Variants in DDAH1 observed in about 807,000 individuals in gnomAD.
DDAH1 encodes the protein N(G),N(G)-dimethylarginine dimethylaminohydrolase 1.
DDAH1 carries 19 observed loss-of-function variants against 28.8 expected under a neutral mutation model. That is an observed-to-expected ratio of 0.66 (90% CI 0.46 to 0.97). The LOEUF is 0.97. Among genes scored for constraint, DDAH1 ranks in the 50% least tolerant of loss-of-function variants. The pLI is 0.00. For synonymous variants in DDAH1, 153 were observed against 154.4 expected (o/e 0.99, Z 0.07); for missense variants, 326 against 375.9 (o/e 0.87, Z 1.10).
intron 4 of DDAH1, among the ~76,000 whole-genome samples, chr1:85,335,850 T>C (rs1359022095): frequency 6.6e-6 from 1 of 152,068 alleles, no homozygotes; most frequent in Non-Finnish European, 1.5e-5. Flanking sequence ...TAGTTTCAGC[T>C]GCTTGGAAGG....
chr1:85,327,098 A>G (rs1374180791), intron 4 of DDAH1, among the ~76,000 whole-genome samples: 2 of 152,174 alleles, frequency 1.3e-5, no homozygotes, highest in African/African-American at 4.8e-5. Context: ...TCCATTTATT[A>G]TTGTGTGCAA....
At chr1:85,337,960 C>G (rs1265649414) in intron 4 of DDAH1, among the ~76,000 whole-genome samples, 2 of 152,230 alleles carry the variant, frequency 1.3e-5, no homozygotes, top group Non-Finnish European at 2.9e-5. Flanking sequence ...TTCCATCTTT[C>G]ATCAGCTTTG....
chr1:85,346,120 T>C lies in DDAH1; in HGVS notation c.597+4295A>G, dbSNP rs556302024. Among the ~76,000 whole-genome samples, 11 of 152,304 alleles carry C rather than the reference T, an allele frequency of 7.2e-5. No individual in the cohort carries two copies. The South Asian group carries it at 2.3e-3, about 32-fold the overall frequency. On this transcript the variant is annotated intron_variant, in intron 4 of 5. Coordinates refer to ENST00000284031, the MANE Select transcript of DDAH1 (RefSeq NM_012137.4). Reference sequence around the variant, plus strand: ...CAGAAACCCTTGGGGCTCTCAGCTTTACCTAAACATGTAAGAAGTAGATTC... The same window carrying C: ...CAGAAACCCTTGGGGCTCTCAGCTTCACCTAAACATGTAAGAAGTAGATTC...
At chr1:85,563,431 G>T (rs1659195469) in intron 1 of DDAH1, among the ~76,000 whole-genome samples, 1 of 152,146 alleles carries the variant, frequency 6.6e-6, no homozygotes, top group African/African-American at 2.4e-5. Context: ...GGCAGCAAGT[G>T]GGATATTCAG....
intron 1 of DDAH1, among the ~76,000 whole-genome samples, chr1:85,406,889 T>G (rs1652431980): frequency 6.6e-6 from 1 of 152,096 alleles, no homozygotes; most frequent in Admixed American, 6.6e-5. Flanking sequence ...AATGCTATAT[T>G]ACAAGGGTCT....
At chr1:85,563,605 C>T (rs556431351) in intron 1 of DDAH1, among the ~76,000 whole-genome samples, 50 of 152,150 alleles carry the variant, frequency 3.3e-4, no homozygotes, top group African/African-American at 1.1e-3. Flanking sequence ...ATCTAGCACC[C>T]GACAAGGTAG....
At chr1:85,448,229 G>C (rs1208220079) in intron 1 of DDAH1, 1 of 160,214 alleles carries the variant, frequency 6.2e-6, no homozygotes, top group Admixed American at 6.5e-5. Context: ...GCCCAGGGAA[G>C]CCGAAAGATC....
intron 1 of DDAH1, among the ~76,000 whole-genome samples, chr1:85,397,913 G>A (rs1651886095): frequency 1.3e-5 from 2 of 151,720 alleles, no homozygotes; most frequent in Admixed American, 6.6e-5. Flanking sequence ...AGCTTTCTGA[G>A]CCCCTCACCG....
chr1:85,531,254 T>C (rs1370291827), intron 1 of DDAH1, among the ~76,000 whole-genome samples: 1 of 152,014 alleles, frequency 6.6e-6, no homozygotes, highest in Non-Finnish European at 1.5e-5. Flanking sequence ...GGCCTAAACA[T>C]ACTACACATT....
intron 1 of DDAH1, among the ~76,000 whole-genome samples, chr1:85,424,649 T>C (rs1570523978): frequency 6.6e-6 from 1 of 152,086 alleles, no homozygotes; most frequent in Non-Finnish European, 1.5e-5. Context: ...CACAGGGCTA[T>C]ATAATTAGAA....
intron 2 of DDAH1, among the ~76,000 whole-genome samples, chr1:85,354,808 T>C (rs1162056994): frequency 6.6e-6 from 1 of 151,818 alleles, no homozygotes; most frequent in East Asian, 1.9e-4. Flanking sequence ...GGAGGCCAAG[T>C]TACATAGCAT....
intron 1 of DDAH1, among the ~76,000 whole-genome samples, chr1:85,415,287 T>C (rs1179023174): frequency 6.6e-6 from 1 of 152,150 alleles, no homozygotes; most frequent in Non-Finnish European, 1.5e-5. Flanking sequence ...GTCTTGGGAT[T>C]ACAGGTGTGA....
At chr1:85,454,075 A>G (rs1654777648) in intron 1 of DDAH1, among the ~76,000 whole-genome samples, 1 of 152,028 alleles carries the variant, frequency 6.6e-6, no homozygotes, top group African/African-American at 2.4e-5. Flanking sequence ...TACTGGGTAC[A>G]ACCCCTGGCA....
At chr1:85,512,115 A>G (rs1185476256) in intron 1 of DDAH1, among the ~76,000 whole-genome samples, 1 of 152,194 alleles carries the variant, frequency 6.6e-6, no homozygotes, top group African/African-American at 2.4e-5. Flanking sequence ...ATACTGGCAA[A>G]CCGAATCCAG....
chr1:85,480,021 G>A (rs1655956110), intron 2 of DDAH1, among the ~76,000 whole-genome samples: 1 of 152,182 alleles, frequency 6.6e-6, no homozygotes, highest in African/African-American at 2.4e-5. Context: ...GAACAACTAT[G>A]AGCAATTAAA....
At chr1:85,438,920 T>G (rs1654065363) in intron 1 of DDAH1, among the ~76,000 whole-genome samples, 1 of 152,128 alleles carries the variant, frequency 6.6e-6, no homozygotes, top group Non-Finnish European at 1.5e-5. Context: ...GGATGGTAAT[T>G]AAAAGGATGG....
intron 2 of DDAH1, among the ~76,000 whole-genome samples, chr1:85,354,731 T>TA (rs1436024457): frequency 6.6e-6 from 1 of 151,824 alleles, no homozygotes; most frequent in Non-Finnish European, 1.5e-5. Context: ...ACAAAACATT[T>TA]AAAAAAACTA....
At chr1:85,568,501 G>A (rs932870616) in intron 1 of DDAH1, among the ~76,000 whole-genome samples, 10 of 151,926 alleles carry the variant, frequency 6.6e-5, no homozygotes, top group African/African-American at 9.7e-5. Flanking sequence ...CAGAAACCTC[G>A]CATCATTTCA....
At chr1:85,574,495 G>A (rs2100573067) in intron 1 of DDAH1, among the ~76,000 whole-genome samples, 1 of 152,276 alleles carries the variant, frequency 6.6e-6, no homozygotes, top group South Asian at 2.1e-4. Flanking sequence ...CCTCTCAAAT[G>A]TCCTGCCCTG....
Sources: gnomAD v4.1 joint callset for allele counts (sites outside exome capture counted in the v4.1 genomes callset) on GRCh38, gnomAD v4.1.1 for gene constraint, MANE v1.5 for transcripts, NCBI Gene and HGNC (gene_info 2026-07-23, HGNC 2026-07-21) for gene names.